Variants in SPOPL observed in about 807,000 individuals in gnomAD.
SPOPL encodes the protein speckle type BTB/POZ protein like, also known as speckle-type POZ protein-like.
A neutral mutation model predicts 53.8 loss-of-function variants in SPOPL; 23 were observed. That is an observed-to-expected ratio of 0.43 (90% CI 0.31 to 0.61). The LOEUF is 0.61. SPOPL is among the 20% of genes least tolerant of loss of function. The pLI, the probability that SPOPL is intolerant of heterozygous loss-of-function variation, is 0.12. For missense variants in SPOPL, 442 were observed against 466.9 expected (o/e 0.95, Z 0.49); for synonymous variants, 164 against 149.7 (o/e 1.10, Z -0.70).
At chr2:138,535,316 G>T (rs1487580778) in intron 1 of SPOPL, among the ~76,000 whole-genome samples, 1 of 152,178 alleles carries the variant, frequency 6.6e-6, no homozygotes, top group Non-Finnish European at 1.5e-5. Flanking sequence ...GAACATTTAT[G>T]TTTCAGTCAT....
chr2:138,544,311 T>G (rs180754191), intron 1 of SPOPL, among the ~76,000 whole-genome samples: 1,653 of 152,314 alleles, frequency 0.011, 32 homozygotes, highest in African/African-American at 0.037. Context: ...CTTTTGTTTG[T>G]CTTAGCCCTG....
intron 8 of SPOPL, among the ~76,000 whole-genome samples, chr2:138,562,295 G>T (rs1685566845): frequency 6.6e-6 from 1 of 151,874 alleles, no homozygotes; most frequent in Non-Finnish European, 1.5e-5. Context: ...TAGAAATTAA[G>T]ACAGTGTTGT....
chr2:138,563,886 T>C (rs1206024158), intron 8 of SPOPL, among the ~76,000 whole-genome samples: 1 of 152,216 alleles, frequency 6.6e-6, no homozygotes, highest in Non-Finnish European at 1.5e-5. Context: ...AGCAGTTGAA[T>C]GTGTAAAACA....
chr2:138,512,852 C>G (rs1431633988), intron 1 of SPOPL, among the ~76,000 whole-genome samples: 1 of 152,170 alleles, frequency 6.6e-6, no homozygotes, highest in Non-Finnish European at 1.5e-5. Context: ...AGCCCTTGAC[C>G]TGGAAGAACT....
At chr2:138,523,094 A>G (rs1407316689) in intron 1 of SPOPL, among the ~76,000 whole-genome samples, 1 of 152,210 alleles carries the variant, frequency 6.6e-6, no homozygotes, top group Non-Finnish European at 1.5e-5. Flanking sequence ...CCGTTTTCAC[A>G]CTGCCTATAA....
At chr2:138,557,284 G>T (rs1447664017) in intron 5 of SPOPL, among the ~76,000 whole-genome samples, 1 of 152,138 alleles carries the variant, frequency 6.6e-6, no homozygotes, top group Non-Finnish European at 1.5e-5. Context: ...GTAAAATAAG[G>T]TGAATAGATT....
chr2:138,558,950 G>A (rs889494130), intron 5 of SPOPL, 72 bp from the exon 6 acceptor site: 4 of 1,280,884 alleles, frequency 3.1e-6, no homozygotes, highest in Middle Eastern at 2.9e-4. Flanking sequence ...ATAAAAAATT[G>A]AAGTATGGAC....
intron 1 of SPOPL, among the ~76,000 whole-genome samples, chr2:138,545,398 T>A (rs777486939): frequency 1.3e-5 from 2 of 152,086 alleles, no homozygotes; most frequent in Non-Finnish European, 2.9e-5. Flanking sequence ...CAGTAGCTTG[T>A]TTCTTCATTA....
At chr2:138,564,641 A>C (rs1486421288) in intron 8 of SPOPL, 67 bp from the exon 9 acceptor site, 2 of 1,547,170 alleles carry the variant, frequency 1.3e-6, no homozygotes, top group African/African-American at 2.8e-5. Context: ...CCAAGTTGCA[A>C]ATGTATCATG....
At chr2:138,531,850 T>A (rs1684817672) in intron 1 of SPOPL, among the ~76,000 whole-genome samples, 1 of 152,200 alleles carries the variant, frequency 6.6e-6, no homozygotes, top group Non-Finnish European at 1.5e-5. Context: ...TGATAATTTT[T>A]TATTGAATAA....
At chr2:138,502,809 A>G (rs1030902429) in intron 1 of SPOPL, among the ~76,000 whole-genome samples, 1 of 152,106 alleles carries the variant, frequency 6.6e-6, no homozygotes, top group Non-Finnish European at 1.5e-5. Flanking sequence ...GAGTCAATGT[A>G]TTTGTATATT....
chr2:138,573,357 T>C lies in SPOPL; in HGVS notation c.*4277T>C, dbSNP rs892846555. On this transcript the variant is annotated 3_prime_UTR_variant, in exon 11 of 11. Coordinates refer to ENST00000280098, the MANE Select transcript of SPOPL (RefSeq NM_001001664.3). ...ATGCATAGTAATTGTCTTTTCTACATAGGGGAGCTCTTGTTTTTTGGAACC... is the reference window on the plus strand; with the variant it reads ...ATGCATAGTAATTGTCTTTTCTACACAGGGGAGCTCTTGTTTTTTGGAACC... The C allele has an allele frequency of 8.5e-5, 13 of 152,160 alleles. No homozygotes were observed. The highest frequency in any genetic ancestry group is 1.0e-4 in the Non-Finnish European group (7 of 68,006). 9.4% of individuals were successfully genotyped at this position (152,160 alleles called of 1,614,324 possible). A position where few individuals can be genotyped will look rare whatever the true frequency, so the allele number is the denominator to read the frequency against.
At chr2:138,509,842 A>G (rs1267310605) in intron 1 of SPOPL, among the ~76,000 whole-genome samples, 2 of 152,082 alleles carry the variant, frequency 1.3e-5, no homozygotes, top group Admixed American at 1.3e-4. Flanking sequence ...GGTTTGGACA[A>G]TTTTTATGAC....
At chr2:138,510,450 T>C (rs1285893819) in intron 1 of SPOPL, among the ~76,000 whole-genome samples, 1 of 152,232 alleles carries the variant, frequency 6.6e-6, no homozygotes, top group East Asian at 1.9e-4. Context: ...GATAGTGTTG[T>C]TGAGTTCAAA....
At chr2:138,548,796 G>C (rs1004275004) in intron 1 of SPOPL, among the ~76,000 whole-genome samples, 16 of 152,002 alleles carry the variant, frequency 1.1e-4, no homozygotes, top group African/African-American at 3.9e-4. Context: ...CAAAAGTATT[G>C]ACCAGGACAC....
chr2:138,516,943 T>G (rs1684450268), intron 1 of SPOPL, among the ~76,000 whole-genome samples: 1 of 152,248 alleles, frequency 6.6e-6, no homozygotes, highest in Admixed American at 6.5e-5. Context: ...CTGACCTATT[T>G]AGGTACTTTA....
At chr2:138,557,872 TC>T (rs1238902082) in intron 5 of SPOPL, among the ~76,000 whole-genome samples, 1 of 152,180 alleles carries the variant, frequency 6.6e-6, no homozygotes, top group Non-Finnish European at 1.5e-5. Flanking sequence ...AAAAAAGTGG[TC>T]TGCAGCCAGG....
chr2:138,524,259 G>A (rs531387271), intron 1 of SPOPL, among the ~76,000 whole-genome samples: 5 of 152,292 alleles, frequency 3.3e-5, no homozygotes, highest in African/African-American at 7.2e-5. Flanking sequence ...CAGCTGGAGC[G>A]GCTGGGACCC....
chr2:138,517,979 C>A (rs754065039), intron 1 of SPOPL, among the ~76,000 whole-genome samples: 1 of 134,808 alleles, frequency 7.4e-6, no homozygotes, highest in Non-Finnish European at 1.5e-5. Flanking sequence ...ACCTAGGAGG[C>A]GGAGGTGGCA....
Sources: gnomAD v4.1 joint callset for allele counts (sites outside exome capture counted in the v4.1 genomes callset) on GRCh38, gnomAD v4.1.1 for gene constraint, MANE v1.5 for transcripts, NCBI Gene and HGNC (gene_info 2026-07-23, HGNC 2026-07-21) for gene names.